The following MTUS1 variants were observed in gnomAD, a reference collection of about 807,000 sequenced individuals.
The protein encoded by MTUS1 is microtubule associated scaffold protein 1, also known as microtubule-associated tumor suppressor 1.
A neutral mutation model predicts 120.8 loss-of-function variants in MTUS1; 109 were observed. The ratio of observed to expected loss-of-function variants is 0.90; its 90% CI spans 0.77 to 1.06. The LOEUF (loss-of-function observed/expected upper bound fraction) is 1.06. MTUS1 is among the 50% of genes least tolerant of loss of function. The probability of loss-of-function intolerance (pLI) is 0.00; values close to 1 mark genes in which losing one functional copy is unlikely to be tolerated. For synonymous variants in MTUS1, 737 were observed against 550.5 expected, an observed-to-expected ratio of 1.34 and a Z score of -4.74; for missense variants, 2,210 against 1,486.3, an observed-to-expected ratio of 1.49 and a Z score of -8.01.
At position 17,684,493 on chromosome 8, in the gene MTUS1, C is replaced by T; in HGVS notation, c.2673G>A (p.Gln891=). 6.2e-7 allele frequency: 1 copy of T among 1,614,202 alleles called. No homozygotes were observed. The highest frequency in any genetic ancestry group is 8.5e-7 in the Non-Finnish European group (1 of 1,180,038). Residue 891 remains glutamine, a synonymous_variant, in exon 7 of 15, where the codon CAG becomes CAA. Transcript: ENST00000693296. ...KNPRSLCIQP[Q]TAPDALPPEK... is the part of the protein sequence containing the mutation. Reference sequence around the variant, plus strand: ...CAGGGGGCAGCGCATCGGGAGCTGTCTGTGGCTGGATACATAAGCTTCGAG... The same window carrying T: ...CAGGGGGCAGCGCATCGGGAGCTGTTTGTGGCTGGATACATAAGCTTCGAG...
intron 9 of MTUS1, chr8:17,654,873 G>A: frequency 1.0e-5 from 6 of 573,806 alleles, no homozygotes; most frequent in Non-Finnish European, 1.6e-5. Context: ...GGATCACTTG[G>A]AGCCCAGCAG....
intron 1 of MTUS1, among the ~76,000 whole-genome samples, chr8:17,794,061 C>T (rs946477178): frequency 6.6e-6 from 1 of 152,170 alleles, no homozygotes; most frequent in African/African-American, 2.4e-5. Context: ...GGCACAGTGG[C>T]TCACGTCTGT....
At chr8:17,682,582 A>T (rs542598363) in intron 7 of MTUS1, among the ~76,000 whole-genome samples, 12 of 151,744 alleles carry the variant, frequency 7.9e-5, no homozygotes, top group African/African-American at 2.9e-4. Flanking sequence ...GGTCTGAGCA[A>T]GGATGGCATG....
chr8:17,676,343 T>C (rs886799200), intron 7 of MTUS1: 8 of 702,828 alleles, frequency 1.1e-5, no homozygotes, highest in Non-Finnish European at 2.1e-5. Context: ...CCAGCTTCTG[T>C]CTCCAAGTCC....
chr8:17,709,512 C>T, intron 6 of MTUS1, among the ~76,000 whole-genome samples: 1 of 152,118 alleles, frequency 6.6e-6, no homozygotes, highest in East Asian at 1.9e-4. Flanking sequence ...GCATCCTTAA[C>T]ACCTGACACT....
chr8:17,713,386 C>T (rs572200265), intron 5 of MTUS1, 134 bp from the exon 6 acceptor site: 65 of 592,294 alleles, frequency 1.1e-4, no homozygotes, highest in Admixed American at 1.4e-4. Context: ...GAAATATCAC[C>T]GAGATTCAAC....
intron 6 of MTUS1, chr8:17,697,591 T>C (rs772428850): frequency 2.3e-6 from 3 of 1,329,736 alleles, no homozygotes; most frequent in East Asian, 5.9e-5. Context: ...CTTTCAGATG[T>C]TGCCAAAATG....
chr8:17,654,104 T>G (rs747594907), intron 10 of MTUS1: 1 of 166,880 alleles, frequency 6.0e-6, no homozygotes, highest in African/African-American at 2.4e-5. Context: ...CTGCCGATTC[T>G]GTTCTGAAAG....
Position 17,758,168 on chromosome 8 carries a change from T to A in MTUS1, c.-154-2207A>T, listed in dbSNP as rs935447751. 2.6e-5 allele frequency: 4 copies of A among 152,232 alleles called. No homozygotes were observed. In the East Asian group the frequency reaches 5.8e-4, roughly 22 times the overall value. 9.4% of individuals were successfully genotyped at this position (152,232 alleles called of 1,614,324 possible). A position where few individuals can be genotyped will look rare whatever the true frequency, so the allele number is the denominator to read the frequency against. On this transcript the variant is annotated intron_variant, in intron 1 of 14. Transcript: ENST00000693296. ...ATGAAGAGTAGGTCTCATTTTTCTA[T>A]CTTGCAGCGTTTTCTCTGCATTCAA...
intron 8 of MTUS1, among the ~76,000 whole-genome samples, chr8:17,657,659 T>TAAAAA (rs60180794): frequency 2.2e-5 from 3 of 136,210 alleles, no homozygotes; most frequent in Admixed American, 1.5e-4. Flanking sequence ...CTCTTAAAAT[T>TAAAAA]AAAAAAAAAA....
At chr8:17,688,725 T>C (rs1231645668) in intron 6 of MTUS1, among the ~76,000 whole-genome samples, 2 of 152,240 alleles carry the variant, frequency 1.3e-5, no homozygotes, top group East Asian at 3.8e-4. Context: ...TTCATGTCAA[T>C]TATTAGTTTA....
At chr8:17,732,597 C>T (rs2046662498) in intron 3 of MTUS1, among the ~76,000 whole-genome samples, 1 of 152,132 alleles carries the variant, frequency 6.6e-6, no homozygotes, top group African/African-American at 2.4e-5. Context: ...CAGATTTCTC[C>T]CACGCACTTC....
intron 8 of MTUS1, among the ~76,000 whole-genome samples, chr8:17,662,587 C>T (rs1484243311): frequency 6.6e-6 from 1 of 151,898 alleles, no homozygotes; most frequent in South Asian, 2.1e-4. Flanking sequence ...AACTTCTGGC[C>T]TCATGATCCG....
chr8:17,758,654 T>C (rs1342937068), intron 1 of MTUS1, among the ~76,000 whole-genome samples: 1 of 152,254 alleles, frequency 6.6e-6, no homozygotes, highest in Non-Finnish European at 1.5e-5. Flanking sequence ...TACAGCTTTC[T>C]GCTTCCCTAA....
intron 2 of MTUS1, among the ~76,000 whole-genome samples, chr8:17,748,794 T>C (rs1314500070): frequency 6.6e-6 from 1 of 152,166 alleles, no homozygotes; most frequent in African/African-American, 2.4e-5. Flanking sequence ...CCTGCAACAG[T>C]ATTACCCACT....
chr8:17,652,167 A>C (rs950052611), intron 12 of MTUS1, among the ~76,000 whole-genome samples: 25 of 152,340 alleles, frequency 1.6e-4, no homozygotes, highest in African/African-American at 6.0e-4. Flanking sequence ...AGCAGCAAGG[A>C]AACAAATTTT....
Position 17,754,791 on chromosome 8 carries a change from C to G in MTUS1, c.1017G>C (p.Glu339Asp), listed in dbSNP as rs149380010. The G allele has an allele frequency of 1.2e-4, 195 of 1,614,248 alleles. No individual in the cohort carries two copies. In the East Asian group the frequency reaches 3.3e-3, roughly 27 times the overall value. Residue 339 changes from glutamate to aspartate, a missense_variant, in exon 2 of 15, where the codon GAG (glutamate) becomes GAC (aspartate). Physicochemically the swap from Glu to Asp is conservative, Grantham distance 45. Transcript: ENST00000693296. ...CATCAATAAGACAATAGGACACTGT[C>G]TCTCTCAGATTTTGGCCCATTTCCT... ...RHKEMGQNLR[E>D]TVSYCLIDDE...
intron 3 of MTUS1, among the ~76,000 whole-genome samples, chr8:17,730,016 A>C (rs2046457781): frequency 6.6e-6 from 1 of 151,806 alleles, no homozygotes; most frequent in Non-Finnish European, 1.5e-5. Flanking sequence ...AAAAACAAAA[A>C]ATTAACAAGT....
chr8:17,731,900 G>C (rs895737451), intron 3 of MTUS1, among the ~76,000 whole-genome samples: 5 of 152,168 alleles, frequency 3.3e-5, no homozygotes, highest in African/African-American at 4.8e-5. Flanking sequence ...TAACCCCATA[G>C]AAGAGTTTAA....
Sources: gnomAD v4.1 joint callset for allele counts (sites outside exome capture counted in the v4.1 genomes callset) on GRCh38, gnomAD v4.1.1 for gene constraint, MANE v1.5 for transcripts, NCBI Gene and HGNC (gene_info 2026-07-23, HGNC 2026-07-21) for gene names.